Variants in TNPO1 observed in about 807,000 individuals in gnomAD.
TNPO1 encodes transportin-1.
In TNPO1, 8 loss-of-function variants were observed where a neutral mutation model predicts 119.5. The ratio of observed to expected loss-of-function variants is 0.07; its 90% CI spans 0.04 to 0.12. The LOEUF is 0.12. Ranked by LOEUF, TNPO1 falls within the 10% of genes least tolerant of loss-of-function variation. The probability of loss-of-function intolerance (pLI) is 1.00; values close to 1 mark genes in which losing one functional copy is unlikely to be tolerated. For synonymous variants in TNPO1, 362 were observed against 363.0 expected, an observed-to-expected ratio of 1.00 and a Z score of 0.03; for missense variants, 576 against 1,089.8, an observed-to-expected ratio of 0.53 and a Z score of 6.64.
intron 6 of TNPO1, among the ~76,000 whole-genome samples, chr5:72,868,431 C>CA (rs200691585): frequency 0.082 from 2,219 of 27,038 alleles, 693 homozygotes; most frequent in South Asian, 0.2. Flanking sequence ...GACTCCGTCT[C>CA]AAAAAAAAAA....
intron 1 of TNPO1, chr5:72,817,008 G>T (rs891591383): frequency 2.3e-5 from 11 of 480,934 alleles, no homozygotes; most frequent in Non-Finnish European, 3.7e-6. Context: ...CGTTAGGGGC[G>T]GCAGGAGCCC....
rs561262071 is a variant in TNPO1 at position 72,855,018 on chromosome 5, TCTCA to T, written c.206-752_206-749del. 1.7e-3 allele frequency among the ~76,000 whole-genome samples: 253 copies of T among 152,164 alleles called. 2 individuals carry two copies. The highest frequency in any genetic ancestry group is 5.8e-3 in the African/African-American group (242 of 41,522). ...AATTTTTTTTTTGTTTTTGAGACAG[TCTCA>T]CTCTGTCGCCTGGGCTGGAGTGTAG... On this transcript the variant is annotated intron_variant, in intron 3 of 24. Coordinates refer to ENST00000337273, the MANE Select transcript of TNPO1 (RefSeq NM_002270.4).
At chr5:72,864,736 G>A (rs1746751742) in intron 5 of TNPO1, among the ~76,000 whole-genome samples, 1 of 152,128 alleles carries the variant, frequency 6.6e-6, no homozygotes, top group Non-Finnish European at 1.5e-5. Context: ...AGCCTCCAGA[G>A]TAGCTGGGAT....
At chr5:72,833,778 G>A (rs1357239434) in intron 1 of TNPO1, among the ~76,000 whole-genome samples, 2 of 151,948 alleles carry the variant, frequency 1.3e-5, no homozygotes, top group East Asian at 1.9e-4. Context: ...ATTTTTATAC[G>A]TCTCATTAAT....
intron 2 of TNPO1, among the ~76,000 whole-genome samples, chr5:72,849,121 C>T (rs1393071130): frequency 1.3e-5 from 2 of 152,148 alleles, no homozygotes; most frequent in South Asian, 4.1e-4. Context: ...GTGTTAACAC[C>T]TGTTGCGAAC....
chr5:72,890,999 G>A (rs1415943612), intron 14 of TNPO1, among the ~76,000 whole-genome samples: 1 of 151,936 alleles, frequency 6.6e-6, no homozygotes, highest in Non-Finnish European at 1.5e-5. Context: ...GACCACAGGC[G>A]TGTACCACCA....
At chr5:72,870,150 A>T (rs1747270668) in intron 6 of TNPO1, among the ~76,000 whole-genome samples, 1 of 142,810 alleles carries the variant, frequency 7.0e-6, no homozygotes. Flanking sequence ...TTTTCACAAT[A>T]CTAATTGCTT....
At chr5:72,845,292 T>G (rs1038849516) in intron 1 of TNPO1, among the ~76,000 whole-genome samples, 1 of 152,150 alleles carries the variant, frequency 6.6e-6, no homozygotes, top group Non-Finnish European at 1.5e-5. Flanking sequence ...ATCTTGATAT[T>G]CTATTTAATT....
At chr5:72,848,538 C>T (rs774305299) in intron 2 of TNPO1, 40 bp downstream of exon 2, 10 of 1,376,922 alleles carry the variant, frequency 7.3e-6, no homozygotes, top group Non-Finnish European at 2.9e-6. Flanking sequence ...GCGCAGCTCG[C>T]CCCGCGCTGC....
intron 6 of TNPO1, among the ~76,000 whole-genome samples, chr5:72,869,540 C>T (rs1394079825): frequency 1.3e-5 from 2 of 151,804 alleles, no homozygotes; most frequent in Non-Finnish European, 2.9e-5. Flanking sequence ...GAGTGAGACT[C>T]CATCTCAAAA....
rs141864777 is a variant in TNPO1, at chr5:72,899,647, G to A, written c.2339-359G>A. 1.7e-3 allele frequency among the ~76,000 whole-genome samples: 252 copies of A among 152,158 alleles called. 4 individuals carry two copies. The East Asian group carries it at 0.042, about 25-fold the overall frequency. ...AAATTTTGGCTGGCTTTTGAATGAA[G>A]GTTCTCTAAATTTGTCCATTTAACT... On this transcript the variant is annotated intron_variant, in intron 20 of 24. Transcript: ENST00000337273.
intron 1 of TNPO1, among the ~76,000 whole-genome samples, chr5:72,845,170 C>A (rs996753169): frequency 1.3e-5 from 2 of 150,084 alleles, no homozygotes; most frequent in African/African-American, 4.9e-5. Context: ...TCTAAGGGAG[C>A]GAAATTTGAA....
intron 1 of TNPO1, among the ~76,000 whole-genome samples, chr5:72,826,172 T>C (rs1486959933): frequency 6.6e-6 from 1 of 152,080 alleles, no homozygotes; most frequent in East Asian, 1.9e-4. Flanking sequence ...AATACCCTGT[T>C]TAATACTATA....
At position 72,910,722 on chromosome 5, in the gene TNPO1, G is replaced by C. The variant is rs1331019514; in HGVS notation, c.*2049G>C. 1.3e-5 allele frequency: 2 copies of C among 152,252 alleles called. No homozygotes were observed. The highest frequency in any genetic ancestry group is 2.1e-4 in the South Asian group (1 of 4,830). 9.4% of individuals were successfully genotyped at this position (152,252 alleles called of 1,614,324 possible). A position where few individuals can be genotyped will look rare whatever the true frequency, so the allele number is the denominator to read the frequency against. On this transcript the variant is annotated 3_prime_UTR_variant, in exon 25 of 25. Transcript: ENST00000337273. Reference sequence around the variant, plus strand: ...CATTGCACTGAAGTTTGAGCTGTGTGCGTGTGAATTTATACTGTTTCAAAA... The same window carrying C: ...CATTGCACTGAAGTTTGAGCTGTGTCCGTGTGAATTTATACTGTTTCAAAA...
Position 72,913,288 on chromosome 5 carries a change from C to CT in TNPO1, c.*4616dup, listed in dbSNP as rs768721774. 2.6e-5 allele frequency: 4 copies of CT among 152,412 alleles called. No individual in the cohort carries two copies. The highest frequency in any genetic ancestry group is 2.1e-4 in the South Asian group (1 of 4,826). The allele number at this position is 152,412 out of a possible 1,614,324, so 9.4% of individuals were successfully genotyped here. A position where few individuals can be genotyped will look rare whatever the true frequency, so the allele number is the denominator to read the frequency against. On this transcript the variant is annotated 3_prime_UTR_variant, in exon 25 of 25. Coordinates refer to ENST00000337273, the MANE Select transcript of TNPO1 (RefSeq NM_002270.4). ...TTTAGGCTTTCCAAGTGAATTGTGA[C>CT]TAATTTTTTCAATCTTACATAGATC...
chr5:72,855,064 T>C (rs895769713), intron 3 of TNPO1, among the ~76,000 whole-genome samples: 1 of 152,088 alleles, frequency 6.6e-6, no homozygotes, highest in South Asian at 2.1e-4. Flanking sequence ...GATCTTGGCT[T>C]CTCTGCTTGC....
intron 11 of TNPO1, among the ~76,000 whole-genome samples, chr5:72,884,562 T>TAA (rs1392815097): frequency 6.6e-6 from 1 of 152,200 alleles, no homozygotes; most frequent in Non-Finnish European, 1.5e-5. Context: ...TAAAATATGT[T>TAA]AATTTCCAAC....
At chr5:72,905,257 A>AT (rs1750062661) in intron 23 of TNPO1, 46 bp from the exon 24 acceptor site, 1 of 1,429,882 alleles carries the variant, frequency 7.0e-7, no homozygotes, top group Non-Finnish European at 9.7e-7. Flanking sequence ...GCTGATCTGA[A>AT]TTTTTCTCTT....
Position 72,901,068 on chromosome 5 carries a change from A to G in TNPO1, c.2509A>G (p.Ile837Val). 6.3e-7 allele frequency: 1 copy of G among 1,596,950 alleles called. No homozygotes were observed. The highest frequency in any genetic ancestry group is 1.7e-5 in the Admixed American group (1 of 57,896). ...GATCAGTGTGAATCCCAGTGGCGTA[A>G]TCCAAGTAAGATGTTCACAAAGATT... ...TMISVNPSGV[I>V]QDFIFFCDAV... The change falls in exon 22 of 25, where the codon ATC (isoleucine) becomes GTC (valine). Residue 837 changes from isoleucine to valine, a missense_variant. By Grantham distance (29) the Ile-to-Val change is conservative. Around this residue, in one of 6 missense-constraint regions of TNPO1, gnomAD observed 162 missense variants for 294.1 expected, o/e 0.55. Transcript: ENST00000337273.
Sources: gnomAD v4.1 joint callset for allele counts (sites outside exome capture counted in the v4.1 genomes callset) on GRCh38, gnomAD v4.1.1 for gene constraint, gnomAD v4.1.1 regional missense constraint, MANE v1.5 for transcripts, NCBI Gene and HGNC (gene_info 2026-07-23, HGNC 2026-07-21) for gene names.